The following TXNDC16 variants were observed in gnomAD, a reference collection of about 807,000 sequenced individuals.
The protein encoded by TXNDC16 is thioredoxin domain-containing protein 16.
TXNDC16 carries 74 observed loss-of-function variants against 85.6 expected under a neutral mutation model. The observed-to-expected ratio is 0.86, with a 90% CI of 0.72 to 1.05. The LOEUF is 1.05. Among genes scored for constraint, TXNDC16 ranks in the 50% least tolerant of loss-of-function variants. The pLI is 0.00. For synonymous variants in TXNDC16, 335 were observed against 326.5 expected (o/e 1.03, Z -0.28); for missense variants, 959 against 947.0 (o/e 1.01, Z -0.17).
Position 52,490,824 on chromosome 14 carries a change from C to A in TXNDC16, c.923+15G>T. On this transcript the variant is annotated intron_variant, in intron 10 of 20. Transcript: ENST00000281741. The stretch of plus-strand genomic sequence containing the variant: ...CGTTTTGCTAAATATAGTAAATATT[C>A]GATGTTTAAGATACCTTAACAAGAG... 1 of 1,597,282 alleles carries A rather than the reference C, an allele frequency of 6.3e-7. No individual in the cohort carries two copies.
intron 7 of TXNDC16, among the ~76,000 whole-genome samples, chr14:52,515,669 ATGTGTGTGTGTGTGTGTGTG>A (rs57407287): frequency 1.4e-5 from 2 of 144,246 alleles, no homozygotes; most frequent in African/African-American, 5.1e-5. Flanking sequence ...TTTCATACAT[ATGTGTGTGTGTGTGTGTGTG>A]TGTGTGTGTG....
At chr14:52,525,842 C>T (rs1412239548) in intron 6 of TXNDC16, among the ~76,000 whole-genome samples, 1 of 151,560 alleles carries the variant, frequency 6.6e-6, no homozygotes, top group African/African-American at 2.4e-5. Flanking sequence ...ATACCAAAAC[C>T]CATGGATGCT....
intron 14 of TXNDC16, among the ~76,000 whole-genome samples, chr14:52,471,190 C>G (rs2035898703): frequency 6.6e-6 from 1 of 152,176 alleles, no homozygotes; most frequent in Admixed American, 6.5e-5. Context: ...AAAGCATCAT[C>G]TTTCATACCT....
intron 14 of TXNDC16, among the ~76,000 whole-genome samples, chr14:52,473,074 A>T (rs974464335): frequency 6.6e-5 from 10 of 152,164 alleles, no homozygotes; most frequent in African/African-American, 2.4e-4. Context: ...TGACTGAAGC[A>T]ATCTATGAGC....
intron 9 of TXNDC16, among the ~76,000 whole-genome samples, chr14:52,491,539 GAAGTT>G (rs2036407970): frequency 6.6e-6 from 1 of 151,396 alleles, no homozygotes; most frequent in Non-Finnish European, 1.5e-5. Context: ...GATTTTATAA[GAAGTT>G]AAACCAAAAA....
intron 14 of TXNDC16, among the ~76,000 whole-genome samples, chr14:52,474,351 G>C (rs2035972579): frequency 6.6e-6 from 1 of 152,184 alleles, no homozygotes; most frequent in African/African-American, 2.4e-5. Context: ...AATAAGGCTA[G>C]AGAATCTAAA....
At chr14:52,495,270 G>A (rs2036504626) in intron 9 of TXNDC16, among the ~76,000 whole-genome samples, 1 of 152,178 alleles carries the variant, frequency 6.6e-6, no homozygotes, top group Non-Finnish European at 1.5e-5. Flanking sequence ...CTGACTATTA[G>A]GAGCTCAGCC....
At chr14:52,523,110 G>T (rs2037246651) in intron 6 of TXNDC16, among the ~76,000 whole-genome samples, 1 of 152,072 alleles carries the variant, frequency 6.6e-6, no homozygotes. Context: ...CACAGCCTGT[G>T]CTCCCTTACT....
intron 12 of TXNDC16, among the ~76,000 whole-genome samples, chr14:52,487,191 G>T (rs1324875909): frequency 6.6e-6 from 1 of 152,150 alleles, no homozygotes; most frequent in Non-Finnish European, 1.5e-5. Flanking sequence ...CAGAACACAG[G>T]TCTGCTTATG....
At chr14:52,463,879 T>C (rs866716577) in intron 16 of TXNDC16, among the ~76,000 whole-genome samples, 2 of 152,348 alleles carry the variant, frequency 1.3e-5, no homozygotes, top group Admixed American at 6.5e-5. Flanking sequence ...ATGTTGATAG[T>C]CCAGCTACTA....
chr14:52,528,528 T>G (rs2037391436), intron 6 of TXNDC16, among the ~76,000 whole-genome samples: 1 of 151,710 alleles, frequency 6.6e-6, no homozygotes, highest in African/African-American at 2.4e-5. Flanking sequence ...GTTTACTGAC[T>G]AATAAAATGT....
chr14:52,460,516 A>G (rs897141896), intron 16 of TXNDC16, among the ~76,000 whole-genome samples: 1 of 152,208 alleles, frequency 6.6e-6, no homozygotes, highest in African/African-American at 2.4e-5. Context: ...TAACCTGTTC[A>G]TTATCTCTCT....
chr14:52,535,435 CACA>C (rs1462375111), intron 6 of TXNDC16, among the ~76,000 whole-genome samples: 1 of 152,108 alleles, frequency 6.6e-6, no homozygotes, highest in African/African-American at 2.4e-5. Context: ...AAGTGATAAG[CACA>C]ACTTTTCACC....
At chr14:52,545,355 G>A (rs529914895) in intron 1 of TXNDC16, among the ~76,000 whole-genome samples, 23 of 151,972 alleles carry the variant, frequency 1.5e-4, no homozygotes, top group African/African-American at 2.2e-4. Flanking sequence ...GCTTTTAATC[G>A]GTTAGAGACA....
chr14:52,531,392 A>G (rs539264825), intron 6 of TXNDC16, among the ~76,000 whole-genome samples: 37 of 152,336 alleles, frequency 2.4e-4, no homozygotes, highest in Middle Eastern at 3.4e-3. Context: ...AACTTCATTT[A>G]TAATTGCCAA....
chr14:52,550,963 A>T (rs1262252003), intron 1 of TXNDC16, among the ~76,000 whole-genome samples: 1 of 152,176 alleles, frequency 6.6e-6, no homozygotes, highest in Admixed American at 6.5e-5. Context: ...TAAACATAAA[A>T]TCCTTCTCCA....
intron 16 of TXNDC16, among the ~76,000 whole-genome samples, chr14:52,461,804 A>C (rs2035658642): frequency 6.6e-6 from 1 of 152,248 alleles, no homozygotes; most frequent in South Asian, 2.1e-4. Flanking sequence ...TCCAGACCCC[A>C]GAATCTTGAA....
At chr14:52,465,054 GT>G (rs1566541773) in intron 16 of TXNDC16, among the ~76,000 whole-genome samples, 1 of 152,002 alleles carries the variant, frequency 6.6e-6, no homozygotes, top group African/African-American at 2.4e-5. Context: ...AGTTCCTTTC[GT>G]TTTTACTTTT....
chr14:52,484,750 G>A (rs931665158), intron 12 of TXNDC16, among the ~76,000 whole-genome samples: 7 of 151,964 alleles, frequency 4.6e-5, no homozygotes, highest in Admixed American at 1.3e-4. Flanking sequence ...GCATGGTGGC[G>A]CATGCTTGTA....
Sources: gnomAD v4.1 joint callset for allele counts (sites outside exome capture counted in the v4.1 genomes callset) on GRCh38, gnomAD v4.1.1 for gene constraint, MANE v1.5 for transcripts, NCBI Gene and HGNC (gene_info 2026-07-23, HGNC 2026-07-21) for gene names.